The following KIAA1549L variants were observed in gnomAD, a reference collection of about 807,000 sequenced individuals.
KIAA1549L encodes the protein KIAA1549 like.
In KIAA1549L, 88 loss-of-function variants were observed where a neutral mutation model predicts 160.7. That is an observed-to-expected ratio of 0.55 (90% CI 0.46 to 0.65). The LOEUF (loss-of-function observed/expected upper bound fraction) is 0.65, where lower values mean the gene tolerates loss of function less well. Ranked by LOEUF, KIAA1549L falls within the 30% of genes least tolerant of loss-of-function variation. The pLI, the probability that KIAA1549L is intolerant of heterozygous loss-of-function variation, is 0.00. For synonymous variants in KIAA1549L, 950 were observed against 976.7 expected (o/e 0.97, Z 0.51); for missense variants, 2,258 against 2,437.5 (o/e 0.93, Z 1.55).
At chr11:33,437,645 TAGC>T (rs1467507964) in intron 1 of KIAA1549L, among the ~76,000 whole-genome samples, 3 of 152,212 alleles carry the variant, frequency 2.0e-5, no homozygotes, top group Admixed American at 6.5e-5. Context: ...CCTTGATAAA[TAGC>T]AGCTGTTACA....
intron 16 of KIAA1549L, among the ~76,000 whole-genome samples, chr11:33,630,619 A>G (rs182716150): frequency 2.0e-3 from 304 of 152,344 alleles, no homozygotes; most frequent in Non-Finnish European, 3.2e-3. Flanking sequence ...GAGTGAGGCA[A>G]TGCCTCGCCC....
intron 1 of KIAA1549L, among the ~76,000 whole-genome samples, chr11:33,465,479 A>G (rs1414591442): frequency 6.6e-6 from 1 of 152,194 alleles, no homozygotes; most frequent in East Asian, 1.9e-4. Flanking sequence ...TGGAACACTT[A>G]TCACACAGTT....
intron 6 of KIAA1549L, among the ~76,000 whole-genome samples, chr11:33,558,848 T>G (rs1854739720): frequency 1.3e-5 from 2 of 151,780 alleles, no homozygotes; most frequent in African/African-American, 4.8e-5. Context: ...TCTTTTTTTT[T>G]TTTTTTGAAG....
intron 1 of KIAA1549L, among the ~76,000 whole-genome samples, chr11:33,408,295 G>A (rs1850709397): frequency 6.6e-6 from 1 of 152,086 alleles, no homozygotes; most frequent in Admixed American, 6.6e-5. Flanking sequence ...TAAATTCTGA[G>A]TTGGGAGTGT....
chr11:33,594,936 A>G (rs1850159494), intron 12 of KIAA1549L, among the ~76,000 whole-genome samples: 1 of 152,260 alleles, frequency 6.6e-6, no homozygotes, highest in African/African-American at 2.4e-5. Flanking sequence ...TAACTTATTT[A>G]TCACCTATTT....
chr11:33,584,133 G>A (rs955489082), intron 11 of KIAA1549L, among the ~76,000 whole-genome samples: 3 of 152,240 alleles, frequency 2.0e-5, no homozygotes, highest in African/African-American at 7.2e-5. Flanking sequence ...CAGCCCAGAA[G>A]AGGTCCCTCA....
chr11:33,613,662 C>T (rs1850705192), intron 15 of KIAA1549L, among the ~76,000 whole-genome samples: 1 of 152,130 alleles, frequency 6.6e-6, no homozygotes, highest in Non-Finnish European at 1.5e-5. Flanking sequence ...AGTCACCTCC[C>T]ACCAGGCCCC....
At chr11:33,472,453 C>T (rs1852200852) in intron 1 of KIAA1549L, among the ~76,000 whole-genome samples, 1 of 152,044 alleles carries the variant, frequency 6.6e-6, no homozygotes, top group East Asian at 1.9e-4. Flanking sequence ...CTGGGAGTAA[C>T]CTCCTGCCTA....
rs548595438 is a variant in KIAA1549L at position 33,457,507 on chromosome 11, C to T, written c.238+80618C>T. On this transcript the variant is annotated intron_variant, in intron 1 of 20. Coordinates refer to ENST00000658780, the MANE Select transcript of KIAA1549L (RefSeq NM_012194.3). ...GCTTCTCAGCTGCGAACCTTGACTC[C>T]CGCATCCTAGGTGAGGAACCCAGGG... is the stretch of plus-strand genomic sequence containing the variant. Among the ~76,000 whole-genome samples, 421 of 152,290 alleles carry T rather than the reference C, an allele frequency of 2.8e-3. 3 individuals carry two copies. The highest frequency in any genetic ancestry group is 9.6e-3 in the African/African-American group (399 of 41,562).
At chr11:33,638,158 G>A (rs1191582238) in intron 16 of KIAA1549L, among the ~76,000 whole-genome samples, 2 of 152,134 alleles carry the variant, frequency 1.3e-5, no homozygotes, top group Admixed American at 1.3e-4. Context: ...TACACAATGT[G>A]ATGAGCTTTG....
chr11:33,497,666 G>A (rs753521492), intron 1 of KIAA1549L, among the ~76,000 whole-genome samples: 2 of 151,920 alleles, frequency 1.3e-5, no homozygotes, highest in Non-Finnish European at 2.9e-5. Flanking sequence ...TTTACATTAC[G>A]AAAACATCTT....
chr11:33,470,037 T>C (rs1015010661), intron 1 of KIAA1549L, among the ~76,000 whole-genome samples: 2 of 152,246 alleles, frequency 1.3e-5, no homozygotes, highest in Admixed American at 6.5e-5. Flanking sequence ...TTTATCTATT[T>C]TTTTTTCTTT....
chr11:33,495,702 A>G (rs1565158676), intron 1 of KIAA1549L, among the ~76,000 whole-genome samples: 1 of 152,066 alleles, frequency 6.6e-6, no homozygotes, highest in African/African-American at 2.4e-5. Flanking sequence ...GAATCGCCAC[A>G]CCGACTTCCA....
intron 1 of KIAA1549L, among the ~76,000 whole-genome samples, chr11:33,482,822 ACCT>A (rs995102174): frequency 7.9e-5 from 12 of 151,934 alleles, no homozygotes; most frequent in South Asian, 4.2e-4. Context: ...CACCCGCCTC[ACCT>A]CCTAAAGTGC....
At chr11:33,394,731 C>G (rs1011335381) in intron 1 of KIAA1549L, among the ~76,000 whole-genome samples, 2 of 152,234 alleles carry the variant, frequency 1.3e-5, no homozygotes, top group African/African-American at 4.8e-5. Flanking sequence ...TTATTTCTCA[C>G]TCACATAAAG....
intron 1 of KIAA1549L, among the ~76,000 whole-genome samples, chr11:33,501,500 G>A (rs1302943643): frequency 6.6e-6 from 1 of 152,136 alleles, no homozygotes; most frequent in East Asian, 1.9e-4. Context: ...ACTGTATTTG[G>A]TAATCAGACA....
intron 16 of KIAA1549L, among the ~76,000 whole-genome samples, chr11:33,623,053 G>A (rs1851004012): frequency 6.6e-6 from 1 of 152,190 alleles, no homozygotes; most frequent in Admixed American, 6.5e-5. Flanking sequence ...TGCTCACAAA[G>A]CTTATGGCAA....
chr11:33,563,503 G>C (rs1217792158), intron 8 of KIAA1549L, among the ~76,000 whole-genome samples: 1 of 151,988 alleles, frequency 6.6e-6, no homozygotes, highest in Non-Finnish European at 1.5e-5. Flanking sequence ...TCTCTCACTT[G>C]CGGTCCCAAG....
chr11:33,660,944 C>T lies in KIAA1549L; in HGVS notation c.6089C>T (p.Ser2030Leu), dbSNP rs972693349. 11 of 1,613,380 alleles carry T rather than the reference C, an allele frequency of 6.8e-6. No individual in the cohort carries two copies. Among genetic ancestry groups the T allele is most frequent in the African/African-American group, 2.7e-5 (2 of 74,930 alleles). Reference protein sequence around the residue: ...FTGYFIPTPPSSYRNQAWMSY... With the variant: ...FTGYFIPTPPLSYRNQAWMSY... ...GGCTACTTCATCCCAACGCCTCCCT[C>T]ATCCTATAGGAACCAGGCCTGGATG... Residue 2030 changes from serine (S) to leucine (L), a missense_variant, in exon 20 of 21, where the codon TCA becomes TTA. Around this residue, in one of 6 missense-constraint regions of KIAA1549L, gnomAD observed 1,359 missense variants for 1,546.6 expected, o/e 0.88. Transcript: ENST00000658780.
Sources: allele counts gnomAD v4.1 joint callset (sites outside exome capture counted in the v4.1 genomes callset), GRCh38; gene constraint gnomAD v4.1.1; regional missense constraint gnomAD v4.1.1; transcripts MANE v1.5; gene names NCBI Gene and HGNC (gene_info 2026-07-23, HGNC 2026-07-21).